The following CASP6 variants were observed in gnomAD, a reference collection of about 807,000 sequenced individuals.
The protein encoded by CASP6 is caspase-6.
A neutral mutation model predicts 31.8 loss-of-function variants in CASP6; 20 were observed. The observed-to-expected ratio is 0.63, with a 90% confidence interval of 0.44 to 0.91. CASP6 has a LOEUF of 0.91. CASP6 is among the 40% of genes least tolerant of loss of function. CASP6 has a pLI of 0.00. For synonymous variants in CASP6, 130 were observed against 127.8 expected (o/e 1.02, Z -0.12); for missense variants, 328 against 361.1 (o/e 0.91, Z 0.74).
At chr4:109,685,011 T>G, downstream of CASP6, 1 of 404,940 alleles carries the variant, frequency 2.5e-6, no homozygotes. Flanking sequence ...TTCTTCCTTC[T>G]TCTTTCCCAT....
chr4:109,695,291 G>A (rs535567523), intron 4 of CASP6, among the ~76,000 whole-genome samples: 1 of 152,310 alleles, frequency 6.6e-6, no homozygotes, highest in Non-Finnish European at 1.5e-5. Flanking sequence ...AACACAGAAT[G>A]ATGTGGAAAA....
At chr4:109,674,790 A>G in the CASP6 span, among the ~76,000 whole-genome samples, 2 of 152,264 alleles carry the variant, frequency 1.3e-5, no homozygotes, top group African/African-American at 4.8e-5. Flanking sequence ...TAATTTTTAA[A>G]TGTCATCTTG....
the CASP6 span, among the ~76,000 whole-genome samples, chr4:109,681,777 G>C: frequency 1.3e-5 from 2 of 152,342 alleles, no homozygotes; most frequent in South Asian, 4.1e-4. Context: ...AAGAATGTAA[G>C]TCAGCAGCGA....
the CASP6 span, among the ~76,000 whole-genome samples, chr4:109,664,690 TTA>T: frequency 6.6e-6 from 1 of 152,154 alleles, no homozygotes; most frequent in Non-Finnish European, 1.5e-5. Flanking sequence ...GGAGCAAAGT[TTA>T]TGTTAAGAAT....
At chr4:109,675,124 C>G in the CASP6 span, among the ~76,000 whole-genome samples, 1 of 152,108 alleles carries the variant, frequency 6.6e-6, no homozygotes, top group Non-Finnish European at 1.5e-5. Context: ...AAGAATAATT[C>G]TCTCTCATTT....
intron 1 of CASP6, among the ~76,000 whole-genome samples, chr4:109,700,107 G>A: frequency 6.6e-6 from 1 of 152,190 alleles, no homozygotes; most frequent in East Asian, 1.9e-4. Context: ...CATGGAAGCT[G>A]TGCCAAATGG....
Position 109,698,444 on chromosome 4 carries a change from T to A in CASP6, c.41-102A>T, listed in dbSNP as rs1730319150. On this transcript the variant is annotated intron_variant, in intron 1 of 6. Transcript: ENST00000265164. ...TCTGACTCCCAAACTCTTAAGACCC[T>A]TCTGTTTTGGTTAGTTTAAAAGCCA... 7.2e-6 allele frequency: 7 copies of A among 966,764 alleles called. No individual in the cohort carries two copies. In the East Asian group the frequency reaches 1.9e-4, roughly 26 times the overall value. The allele number at this position is 966,764 out of a possible 1,614,324, so 59.9% of individuals were successfully genotyped here.
chr4:109,667,640 A>T, the CASP6 span, among the ~76,000 whole-genome samples: 1 of 149,776 alleles, frequency 6.7e-6, no homozygotes, highest in East Asian at 2.0e-4. Flanking sequence ...AGAGTATATT[A>T]TATACTCTAC....
rs777600074 is a variant in CASP6, at chr4:109,703,358, GCCGGGTGCCCCCTGCGGAGCC to G, written c.17_37del (p.Gly6_Pro12del). On this transcript the variant is annotated inframe_deletion, in exon 1 of 7. Coordinates refer to ENST00000265164, the MANE Select transcript of CASP6 (RefSeq NM_001226.4). ...CCCAGTCGACGCCCCCTGCCTACCTGCCGGGTGCCCCCTGCGGAGCCCCGAGGCCGAGCTCATTGCAGCCAA... is the reference window on the plus strand; with the variant it reads ...CCCAGTCGACGCCCCCTGCCTACCTGCCGAGGCCGAGCTCATTGCAGCCAA... 2.6e-5 allele frequency: 42 copies of G among 1,609,910 alleles called. No individual in the cohort carries two copies. In the South Asian group the frequency reaches 4.6e-4, roughly 17 times the overall value.
chr4:109,693,505 T>C (rs957929070), intron 5 of CASP6, among the ~76,000 whole-genome samples: 1 of 151,978 alleles, frequency 6.6e-6, no homozygotes, highest in Non-Finnish European at 1.5e-5. Flanking sequence ...CTAGCCAACA[T>C]GGTGAAACCC....
chr4:109,670,730 A>AG, the CASP6 span, among the ~76,000 whole-genome samples: 1 of 151,942 alleles, frequency 6.6e-6, no homozygotes, highest in African/African-American at 2.4e-5. Flanking sequence ...AAAAAAAAAA[A>AG]AGAAAAAGAA....
chr4:109,695,819 T>G (rs1730221862), intron 4 of CASP6, among the ~76,000 whole-genome samples: 1 of 151,454 alleles, frequency 6.6e-6, no homozygotes, highest in Non-Finnish European at 1.5e-5. Context: ...ATGAGACTGA[T>G]GTCCTCCAAA....
At chr4:109,698,580 CAG>C (rs1458081636) in intron 1 of CASP6, among the ~76,000 whole-genome samples, 1 of 152,138 alleles carries the variant, frequency 6.6e-6, no homozygotes, top group African/African-American at 2.4e-5. Context: ...ATCTTATAAA[CAG>C]AAATGGAGAA....
the CASP6 span, chr4:109,681,438 G>A: frequency 2.2e-6 from 1 of 453,460 alleles, no homozygotes. Flanking sequence ...CTGGTAGAGA[G>A]TGTTACCGGG....
the CASP6 span, among the ~76,000 whole-genome samples, chr4:109,682,146 A>G: frequency 6.6e-6 from 1 of 152,328 alleles, no homozygotes; most frequent in Admixed American, 6.5e-5. Context: ...AGCTAGGCTT[A>G]GGGATTCTTA....
At chr4:109,666,550 G>A in the CASP6 span, among the ~76,000 whole-genome samples, 1 of 141,558 alleles carries the variant, frequency 7.1e-6, no homozygotes, top group Non-Finnish European at 1.6e-5. Flanking sequence ...GATGTATGAT[G>A]ATGAGCATCT....
At chr4:109,694,374 A>G in intron 5 of CASP6, 151 bp downstream of exon 5, 1 of 613,594 alleles carries the variant, frequency 1.6e-6, no homozygotes, top group Admixed American at 3.0e-5. Flanking sequence ...ATTATTACTA[A>G]CAGCTCAAAG....
chr4:109,667,526 G>T, the CASP6 span, among the ~76,000 whole-genome samples: 11 of 151,118 alleles, frequency 7.3e-5, no homozygotes, highest in African/African-American at 2.7e-4. Flanking sequence ...TTTTTCCAAA[G>T]AACTAGCTTT....
At chr4:109,708,456 C>G (rs986220121), upstream of CASP6, among the ~76,000 whole-genome samples, 10 of 152,202 alleles carry the variant, frequency 6.6e-5, no homozygotes, top group African/African-American at 2.4e-4. Context: ...ATTACCTACC[C>G]CAGTTGCCTT....
Sources: gnomAD v4.1 joint callset for allele counts (sites outside exome capture counted in the v4.1 genomes callset) on GRCh38, gnomAD v4.1.1 for gene constraint, MANE v1.5 for transcripts, NCBI Gene and HGNC (gene_info 2026-07-23, HGNC 2026-07-21) for gene names.